RIF1: variants seen among roughly 807,000 people sequenced by gnomAD.
RIF1 encodes the protein replication timing regulatory factor 1, also known as telomere-associated protein RIF1.
Under a neutral mutation model 247.1 loss-of-function variants are expected in RIF1, and 45 were observed. The observed-to-expected ratio is 0.18, with a 90% CI of 0.14 to 0.23. RIF1 has a LOEUF of 0.23. RIF1 is among the 10% of genes least tolerant of loss of function. The pLI is 1.00. For synonymous variants in RIF1, 1,087 were observed against 978.8 expected, an observed-to-expected ratio of 1.11 and a Z score of -2.06; for missense variants, 2,967 against 2,862.5, an observed-to-expected ratio of 1.04 and a Z score of -0.83.
the RIF1 span, chr2:151,526,955 G>A: frequency 2.8e-5 from 45 of 1,603,282 alleles, no homozygotes; most frequent in East Asian, 6.7e-4. Flanking sequence ...GGCGAGCACC[G>A]TGTTTTTGTC....
chr2:151,412,610 C>G (rs1468651693), intron 3 of RIF1, among the ~76,000 whole-genome samples: 1 of 152,138 alleles, frequency 6.6e-6, no homozygotes, highest in Admixed American at 6.5e-5. Flanking sequence ...GCCTCAGCCT[C>G]CTGAGTAGCT....
chr2:151,490,186 C>G lies in RIF1; in HGVS notation c.*416-5043C>G, dbSNP rs1313933604. The stretch of plus-strand genomic sequence containing the variant: ...TTTTCCCCCAACTTAGAATGATTTC[C>G]AAAAAGAGAAATCAAAGAAAATGAA... On this transcript the variant is annotated intron_variant and NMD_transcript_variant, in intron 9 of 13. Transcript: ENST00000454583. 16 of 1,191,584 alleles carry G rather than the reference C, an allele frequency of 1.3e-5. No individual in the cohort carries two copies. The East Asian group carries it at 3.8e-4, about 28-fold the overall frequency. 73.8% of individuals were successfully genotyped at this position (1,191,584 alleles called of 1,614,324 possible).
Position 151,440,117 on chromosome 2 carries a change from CA to C in RIF1, c.1642del (p.Thr548ArgfsTer17). ...SIVKSEVFPV[S>X]KTLVLMEITI... ...GTAAAGTCTGAAGTATTTCCTGTAT[CA>C]AAAACGCTGGTAAGTATAATACCCG... On this transcript the variant is annotated frameshift_variant, in exon 15 of 36. Transcript: ENST00000444746. LOFTEE classifies it high-confidence loss of function. 2 of 1,550,846 alleles carry C rather than the reference CA, an allele frequency of 1.3e-6. No homozygotes were observed. The highest frequency in any genetic ancestry group is 8.8e-7 in the Non-Finnish European group (1 of 1,132,414).
At chr2:151,415,120 G>A (rs1256199721) in intron 4 of RIF1, among the ~76,000 whole-genome samples, 2 of 152,024 alleles carry the variant, frequency 1.3e-5, no homozygotes, top group South Asian at 2.1e-4. Context: ...GGCCGAGGCG[G>A]GTGGATCATG....
intron 18 of RIF1, among the ~76,000 whole-genome samples, chr2:151,444,390 A>G (rs763235581): frequency 6.6e-6 from 1 of 152,178 alleles, no homozygotes; most frequent in Admixed American, 6.5e-5. Flanking sequence ...GCTCACTGCA[A>G]CCTCTGCCTC....
chr2:151,454,729 C>T (rs1335286932), intron 21 of RIF1, among the ~76,000 whole-genome samples, 166 bp from the exon 22 acceptor site: 2 of 151,996 alleles, frequency 1.3e-5, no homozygotes, highest in Non-Finnish European at 1.5e-5. Context: ...TGATACTTAT[C>T]CATTAATGGT....
chr2:151,446,598 T>C, intron 20 of RIF1, 23 bp downstream of exon 20: 1 of 1,595,674 alleles, frequency 6.3e-7, no homozygotes, highest in South Asian at 1.1e-5. Context: ...TGATGCTACC[T>C]TTTTTTGTTT....
intron 10 of RIF1, among the ~76,000 whole-genome samples, chr2:151,496,064 T>C (rs777268542): frequency 2.6e-5 from 4 of 152,200 alleles, no homozygotes; most frequent in Non-Finnish European, 4.4e-5. Context: ...GAAAATCTGT[T>C]ACTTCTTGAT....
intron 8 of RIF1, among the ~76,000 whole-genome samples, chr2:151,425,973 C>T (rs1688999946): frequency 6.6e-6 from 1 of 151,540 alleles, no homozygotes; most frequent in Non-Finnish European, 1.5e-5. Context: ...GCCACCGCGC[C>T]TGGCCTGTGG....
chr2:151,525,337 A>G, the RIF1 span: 5 of 1,197,820 alleles, frequency 4.2e-6, no homozygotes, highest in Admixed American at 9.1e-5. Flanking sequence ...GTTTACTTGA[A>G]GAACTGTGAA....
In RIF1 at chr2:151,475,610, A is replaced by G. The variant is rs1305848593; in HGVS notation, c.*539A>G. The G allele has an allele frequency of 1.3e-5, 2 of 152,962 alleles. No homozygotes were observed. Among genetic ancestry groups the G allele is most frequent in the African/African-American group, 4.8e-5 (2 of 41,476 alleles). The allele number at this position is 152,962 out of a possible 1,614,324, so 9.5% of individuals were successfully genotyped here. On this transcript the variant is annotated 3_prime_UTR_variant, in exon 36 of 36. Transcript: ENST00000444746. ...ATGTCAACTTTGGACAGCTTTCAAG[A>G]AAAATGAGAAAAGTTTCAACTTCTG...
intron 9 of RIF1, among the ~76,000 whole-genome samples, chr2:151,431,480 T>C (rs566943433): frequency 1.9e-4 from 29 of 152,344 alleles, no homozygotes; most frequent in African/African-American, 6.5e-4. Flanking sequence ...GTAGAGATAT[T>C]ATTATGGAGC....
intron 12 of RIF1, among the ~76,000 whole-genome samples, chr2:151,505,193 T>G (rs1008069955): frequency 2.0e-5 from 3 of 152,210 alleles, no homozygotes; most frequent in African/African-American, 7.2e-5. Flanking sequence ...CATTTTACTT[T>G]GGAAACGAAT....
In RIF1 at chr2:151,477,346, C is replaced by G. The variant is rs1482938629; in HGVS notation, c.*2275C>G. 6.6e-6 allele frequency: 1 copy of G among 151,612 alleles called. No homozygotes were observed. The highest frequency in any genetic ancestry group is 1.5e-5 in the Non-Finnish European group (1 of 67,968). The allele number at this position is 151,612 out of a possible 1,614,324, so 9.4% of individuals were successfully genotyped here. ...ACAAATGTCAGATCATAATAACACT[C>G]AAATGTGTCTTAATTGTCTTATGCA... On this transcript the variant is annotated 3_prime_UTR_variant, in exon 36 of 36. Coordinates refer to ENST00000444746, the MANE Select transcript of RIF1 (RefSeq NM_018151.5).
Position 151,430,215 on chromosome 2 carries a change from G to C in RIF1, c.925+1293G>C, listed in dbSNP as rs181628898. On this transcript the variant is annotated intron_variant, in intron 9 of 35. Transcript: ENST00000444746. ...TTTTTGTATTTTTAGTAGAGACGGG[G>C]TTTCACCGTGTTAGCCAGGATGGTC... Among the ~76,000 whole-genome samples the C allele has an allele frequency of 2.4e-3, 372 of 152,054 alleles. 1 individual carries two copies. The highest frequency in any genetic ancestry group is 3.6e-3 in the Non-Finnish European group (242 of 67,984).
intron 23 of RIF1, among the ~76,000 whole-genome samples, chr2:151,457,370 G>A (rs554075263): frequency 6.6e-5 from 10 of 152,226 alleles, no homozygotes; most frequent in South Asian, 2.1e-4. Context: ...CAGTCTGCCC[G>A]CTTTGGCTTC....
chr2:151,432,996 T>C, intron 9 of RIF1, 81 bp from the exon 10 acceptor site: 1 of 1,083,932 alleles, frequency 9.2e-7, no homozygotes, highest in Non-Finnish European at 1.3e-6. Flanking sequence ...CTTGCTGTGA[T>C]AAAAGACTGT....
Position 151,445,556 on chromosome 2 carries a change from C to CT in RIF1, c.2094+121dup, listed in dbSNP as rs978305023. ...GATTTGTTTTTCTTTTTCTTTTTCT[C>CT]TTTTTTTTTTGAGACAGTCTCACAT... On this transcript the variant is annotated intron_variant, in intron 19 of 35. Coordinates refer to ENST00000444746, the MANE Select transcript of RIF1 (RefSeq NM_018151.5). 9.6e-3 allele frequency: 5,431 copies of CT among 565,662 alleles called. 5 individuals carry two copies. Among genetic ancestry groups the CT allele is most frequent in the African/African-American group, 0.013 (678 of 51,216 alleles). The allele number at this position is 565,662 out of a possible 1,614,324, so 35.0% of individuals were successfully genotyped here. A position where few individuals can be genotyped will look rare whatever the true frequency, so the allele number is the denominator to read the frequency against.
At chr2:151,469,987 T>A (rs1327788192) in intron 34 of RIF1, 123 bp downstream of exon 34, 6 of 581,292 alleles carry the variant, frequency 1.0e-5, no homozygotes, top group Admixed American at 3.5e-5. Context: ...TTTTGTACTG[T>A]CTTTATGCAT....
Sources: allele counts gnomAD v4.1 joint callset (sites outside exome capture counted in the v4.1 genomes callset), GRCh38; gene constraint gnomAD v4.1.1; transcripts MANE v1.5; gene names NCBI Gene and HGNC (gene_info 2026-07-23, HGNC 2026-07-21).